The following ZNF618 variants were observed in gnomAD, a reference collection of about 807,000 sequenced individuals.
ZNF618 encodes the protein neural precursor cell expressed, developmentally down-regulated 10.
A neutral mutation model predicts 103.0 loss-of-function variants in ZNF618; 34 were observed. That is an observed-to-expected ratio of 0.33 (90% CI 0.25 to 0.44). ZNF618 has a LOEUF of 0.44. ZNF618 is among the 20% of genes least tolerant of loss of function. ZNF618 has a pLI of 1.00. For missense variants in ZNF618, 1,059 were observed against 1,295.4 expected (o/e 0.82, Z 2.80); for synonymous variants, 551 against 542.2 (o/e 1.02, Z -0.23).
At chr9:113,922,855 T>C (rs1832769669) in intron 1 of ZNF618, among the ~76,000 whole-genome samples, 1 of 152,224 alleles carries the variant, frequency 6.6e-6, no homozygotes, top group Non-Finnish European at 1.5e-5. Context: ...TCTGGACTTG[T>C]GATTGGGATT....
chr9:113,882,573 A>C (rs1050639246), intron 1 of ZNF618, among the ~76,000 whole-genome samples: 1 of 152,172 alleles, frequency 6.6e-6, no homozygotes, highest in Non-Finnish European at 1.5e-5. Flanking sequence ...AAGTTAGGCG[A>C]CAAGTGAGAA....
intron 12 of ZNF618, among the ~76,000 whole-genome samples, chr9:114,035,543 G>A (rs1184708281): frequency 2.0e-5 from 3 of 152,062 alleles, no homozygotes; most frequent in Non-Finnish European, 4.4e-5. Context: ...GAGCCCCATC[G>A]CAGCCGTCTT....
chr9:114,007,966 C>T (rs1841900890), intron 7 of ZNF618, among the ~76,000 whole-genome samples: 1 of 152,208 alleles, frequency 6.6e-6, no homozygotes, highest in Admixed American at 6.5e-5. Flanking sequence ...CACCTGTTAC[C>T]ACTGGCCCAT....
At chr9:114,007,905 C>T (rs963243989) in intron 7 of ZNF618, among the ~76,000 whole-genome samples, 1 of 152,202 alleles carries the variant, frequency 6.6e-6, no homozygotes, top group Admixed American at 6.5e-5. Flanking sequence ...AGGGGTTCCC[C>T]GTCTAGCCCC....
chr9:113,952,765 A>G (rs1156398431), intron 1 of ZNF618, among the ~76,000 whole-genome samples: 1 of 152,270 alleles, frequency 6.6e-6, no homozygotes, highest in East Asian at 1.9e-4. Flanking sequence ...CTAAGTGGTG[A>G]GGACAAAATG....
At chr9:113,987,816 A>G (rs1839630919) in intron 2 of ZNF618, among the ~76,000 whole-genome samples, 1 of 152,168 alleles carries the variant, frequency 6.6e-6, no homozygotes, top group Non-Finnish European at 1.5e-5. Context: ...TGCGCAACAT[A>G]GTGAGACCCA....
intron 1 of ZNF618, among the ~76,000 whole-genome samples, chr9:113,913,428 G>A (rs1001000901): frequency 6.6e-6 from 1 of 152,218 alleles, no homozygotes; most frequent in Non-Finnish European, 1.5e-5. Context: ...TTGGAGTCAC[G>A]GGAAAGAAAA....
intron 1 of ZNF618, among the ~76,000 whole-genome samples, chr9:113,920,870 C>T (rs900800648): frequency 2.0e-5 from 3 of 152,230 alleles, no homozygotes. Flanking sequence ...TGCAGTTTGC[C>T]ATGTGGCTAG....
At chr9:113,916,737 G>A (rs1832125410) in intron 1 of ZNF618, among the ~76,000 whole-genome samples, 1 of 152,160 alleles carries the variant, frequency 6.6e-6, no homozygotes, top group Admixed American at 6.5e-5. Context: ...GTGTTGCAAG[G>A]TGTGTATCCT....
chr9:113,905,501 G>A (rs1426033684), intron 1 of ZNF618, among the ~76,000 whole-genome samples: 1 of 152,180 alleles, frequency 6.6e-6, no homozygotes, highest in East Asian at 1.9e-4. Flanking sequence ...GTCCGTGGCT[G>A]CTTCCATTCC....
intron 1 of ZNF618, among the ~76,000 whole-genome samples, chr9:113,919,132 C>T (rs1217329019): frequency 6.6e-6 from 1 of 152,150 alleles, no homozygotes; most frequent in Non-Finnish European, 1.5e-5. Flanking sequence ...TCCCCCATCT[C>T]GTAGAGCAGA....
At chr9:113,970,426 G>GGGT (rs1211619777) in intron 2 of ZNF618, among the ~76,000 whole-genome samples, 1 of 152,170 alleles carries the variant, frequency 6.6e-6, no homozygotes, top group Non-Finnish European at 1.5e-5. Flanking sequence ...GGAGGTCTCT[G>GGGT]TAACCCAGAG....
Position 114,028,679 on chromosome 9 carries a change from A to G in ZNF618, c.845-54A>G, listed in dbSNP as rs1843726170. 3 of 1,520,360 alleles carry G rather than the reference A, an allele frequency of 2.0e-6. No homozygotes were observed. The East Asian group carries it at 7.4e-5, about 37-fold the overall frequency. 94.2% of individuals were successfully genotyped at this position (1,520,360 alleles called of 1,614,324 possible). A position where few individuals can be genotyped will look rare whatever the true frequency, so the allele number is the denominator to read the frequency against. On this transcript the variant is annotated intron_variant, in intron 10 of 14. Transcript: ENST00000374126. ...TGTGGGGCTGGTGGCCCGAGAGGCC[A>G]CTCACTCTGCCGGCTGGGAGGGCCC...
At chr9:113,934,785 C>G (rs568173745) in intron 1 of ZNF618, among the ~76,000 whole-genome samples, 11 of 152,220 alleles carry the variant, frequency 7.2e-5, no homozygotes, top group Non-Finnish European at 1.6e-4. Flanking sequence ...TGACTCGAGG[C>G]AGACGTGTGG....
intron 11 of ZNF618, among the ~76,000 whole-genome samples, chr9:114,031,798 C>G (rs752035): frequency 0.27 from 40,751 of 151,892 alleles, 5,904 homozygotes; most frequent in Middle Eastern, 0.4. Context: ...TTGACTGGTT[C>G]CCTGAGGTCT....
chr9:114,015,404 A>G (rs959487670), intron 9 of ZNF618, among the ~76,000 whole-genome samples: 2 of 152,246 alleles, frequency 1.3e-5, no homozygotes, highest in African/African-American at 4.8e-5. Context: ...CTTAGAAATC[A>G]AAGAAATGGA....
At position 114,049,143 on chromosome 9, in the gene ZNF618, T is replaced by C. The variant is rs1372219375; in HGVS notation, c.1841T>C (p.Val614Ala). 1.2e-6 allele frequency: 2 copies of C among 1,613,846 alleles called. No individual in the cohort carries two copies. The highest frequency in any genetic ancestry group is 1.7e-6 in the Non-Finnish European group (2 of 1,179,888). Residue 614 changes from valine to alanine, a missense_variant, in exon 15 of 15, where the codon GTG becomes GCG. Transcript: ENST00000374126. ...TTCGTGATGTCGGAGATCAGGACAG[T>C]GTACGTGACGGATTGCCGGGTGAGC... ...SEFVMSEIRT[V>A]YVTDCRVSTS...
chr9:113,945,736 G>A (rs1053054064), intron 1 of ZNF618, among the ~76,000 whole-genome samples: 3 of 152,164 alleles, frequency 2.0e-5, no homozygotes, highest in African/African-American at 7.2e-5. Flanking sequence ...TTGGTTGCCT[G>A]TAAATTATAT....
rs567526986 is a variant in ZNF618, at chr9:113,988,312, C to G, written c.78-9C>G. ...AAGAAGGTATTGAACGGAGTTTCTT[C>G]TTTCCCAGGGAGCGCTTGAAGCGCA... On this transcript the variant is annotated splice_polypyrimidine_tract_variant and intron_variant, in intron 2 of 14. Transcript: ENST00000374126. 1 of 1,608,402 alleles carries G rather than the reference C, an allele frequency of 6.2e-7. No homozygotes were observed.
Sources: allele counts gnomAD v4.1 joint callset (sites outside exome capture counted in the v4.1 genomes callset), GRCh38; gene constraint gnomAD v4.1.1; transcripts MANE v1.5; gene names NCBI Gene and HGNC (gene_info 2026-07-23, HGNC 2026-07-21).